The following ROBO2 variants were observed in gnomAD, a reference collection of about 807,000 sequenced individuals.
ROBO2 encodes the protein roundabout guidance receptor 2, also known as roundabout homolog 2.
A neutral mutation model predicts 160.8 loss-of-function variants in ROBO2; 53 were observed. That is an observed-to-expected ratio of 0.33 (90% CI 0.26 to 0.41). The LOEUF (loss-of-function observed/expected upper bound fraction) is 0.41. Ranked by LOEUF, ROBO2 falls within the 10% of genes least tolerant of loss-of-function variation. The pLI is 1.00. For synonymous variants in ROBO2, 664 were observed against 611.7 expected (o/e 1.09, Z -1.26); for missense variants, 1,577 against 1,722.4 (o/e 0.92, Z 1.49).
In ROBO2 at chr3:75,926,678, T is replaced by C. The variant is rs1947305986; in HGVS notation, c.-13-10803T>C. ...CATTAGGTATCAGAGTTTATGGCAT[T>C]TGATTAATCTGAATAAAGCTTGGCA... is the stretch of plus-strand genomic sequence containing the variant. On this transcript the variant is annotated intron_variant, in intron 1 of 26. Transcript: ENST00000487694. Among the ~76,000 whole-genome samples the C allele has an allele frequency of 2.0e-5, 3 of 152,218 alleles. No homozygotes were observed. In the South Asian group the frequency reaches 6.2e-4, roughly 32 times the overall value.
intron 2 of ROBO2, among the ~76,000 whole-genome samples, chr3:76,946,804 A>T (rs1264579752): frequency 6.6e-6 from 1 of 152,202 alleles, no homozygotes; most frequent in Non-Finnish European, 1.5e-5. Context: ...TCCTCAATTT[A>T]GGGAGACTGC....
At chr3:76,941,017 C>G (rs764801571) in intron 2 of ROBO2, among the ~76,000 whole-genome samples, 10 of 152,146 alleles carry the variant, frequency 6.6e-5, no homozygotes, top group Non-Finnish European at 1.2e-4. Flanking sequence ...CCACCTTTAA[C>G]CTTTAGTCTG....
rs151137827 is a variant in ROBO2 at position 76,664,275 on chromosome 3, T to G, written c.110-433739T>G. Reference sequence around the variant, plus strand: ...TGACCAGTGGAAATGGAATGGAGAGTAAAGGTGGGAGACTTGTTAAAAGAA... The same window carrying G: ...TGACCAGTGGAAATGGAATGGAGAGGAAAGGTGGGAGACTTGTTAAAAGAA... On this transcript the variant is annotated intron_variant, in intron 2 of 26. Transcript: ENST00000487694. Among the ~76,000 whole-genome samples the G allele has an allele frequency of 1.2e-3, 181 of 151,966 alleles. 1 individual carries two copies. Among genetic ancestry groups the G allele is most frequent in the African/African-American group, 4.2e-3 (176 of 41,458 alleles).
chr3:77,422,426 G>T (rs999190116), intron 2 of ROBO2, among the ~76,000 whole-genome samples: 1 of 151,946 alleles, frequency 6.6e-6, no homozygotes, highest in Admixed American at 6.6e-5. Flanking sequence ...GACGGCTCCT[G>T]GTACAAATTG....
chr3:76,737,226 T>G (rs1470606294), intron 2 of ROBO2, among the ~76,000 whole-genome samples: 1 of 152,204 alleles, frequency 6.6e-6, no homozygotes, highest in Non-Finnish European at 1.5e-5. Flanking sequence ...TTATTCATGT[T>G]TGCATTATTT....
chr3:77,289,988 C>T (rs140331367), intron 2 of ROBO2, among the ~76,000 whole-genome samples: 1,675 of 150,362 alleles, frequency 0.011, 18 homozygotes, highest in African/African-American at 0.025. Context: ...GATGGTTAAA[C>T]GGGTAAACTG....
intron 2 of ROBO2, among the ~76,000 whole-genome samples, chr3:76,841,667 G>A (rs559852937): frequency 1.8e-4 from 27 of 152,232 alleles, no homozygotes; most frequent in Admixed American, 1.5e-3. Flanking sequence ...AGAACAGAGA[G>A]GACCATTGGT....
chr3:77,006,305 T>TTGTGTGAGTGTG (rs1553725110), intron 2 of ROBO2, among the ~76,000 whole-genome samples: 1 of 143,876 alleles, frequency 7.0e-6, no homozygotes, highest in African/African-American at 2.6e-5. Context: ...ATTTTAATAT[T>TTGTGTGAGTGTG]TGTGTGTGTG....
chr3:76,995,273 A>G (rs963872406), intron 2 of ROBO2, among the ~76,000 whole-genome samples: 1 of 152,198 alleles, frequency 6.6e-6, no homozygotes, highest in African/African-American at 2.4e-5. Flanking sequence ...TACAAAGGAC[A>G]TTAACTCATC....
intron 2 of ROBO2, among the ~76,000 whole-genome samples, chr3:76,231,464 A>G (rs1483322518): frequency 6.6e-6 from 1 of 152,104 alleles, no homozygotes; most frequent in African/African-American, 2.4e-5. Context: ...TTTGTTCTAC[A>G]AAAGCCAGTT....
At chr3:76,657,646 GTATATATATTCATATATATGTGTATA>G (rs1189343621) in intron 2 of ROBO2, among the ~76,000 whole-genome samples, 1 of 135,522 alleles carries the variant, frequency 7.4e-6, no homozygotes, top group African/African-American at 3.1e-5. Flanking sequence ...ATATATATGT[GTATATATATTCATATATATGTGTATA>G]TATATACATA....
chr3:77,271,337 G>C (rs1195932231), intron 2 of ROBO2, among the ~76,000 whole-genome samples: 1 of 152,102 alleles, frequency 6.6e-6, no homozygotes, highest in African/African-American at 2.4e-5. Context: ...AGACGGAAAG[G>C]GACTAGTGAA....
intron 2 of ROBO2, among the ~76,000 whole-genome samples, chr3:76,365,602 T>C (rs1162692474): frequency 3.9e-5 from 6 of 152,044 alleles, no homozygotes; most frequent in Admixed American, 3.9e-4. Context: ...ACCCAAGAAC[T>C]TTTCAGAATT....
chr3:76,126,649 G>A (rs893763230), intron 2 of ROBO2, among the ~76,000 whole-genome samples: 4 of 151,992 alleles, frequency 2.6e-5, no homozygotes, highest in African/African-American at 9.7e-5. Context: ...CAGTTCAAAT[G>A]AGAAATATAT....
intron 2 of ROBO2, among the ~76,000 whole-genome samples, chr3:76,066,267 A>G (rs1468924837): frequency 1.3e-5 from 2 of 152,134 alleles, no homozygotes; most frequent in African/African-American, 4.8e-5. Flanking sequence ...TATTCTTTGT[A>G]AGCTTGCATC....
Position 76,334,648 on chromosome 3 carries a change from A to G in ROBO2, c.109+397046A>G, listed in dbSNP as rs550263070. The stretch of plus-strand genomic sequence containing the variant: ...TATCAATCCGTGCCCAATGGAGATC[A>G]ACACAAGAATTTTACCCAGTAAAGG... On this transcript the variant is annotated intron_variant, in intron 2 of 26. Transcript: ENST00000487694. Among the ~76,000 whole-genome samples, 40 of 149,292 alleles carry G rather than the reference A, an allele frequency of 2.7e-4. 1 individual carries two copies. The highest frequency in any genetic ancestry group is 9.9e-4 in the African/African-American group (40 of 40,492).
intron 2 of ROBO2, among the ~76,000 whole-genome samples, chr3:76,416,882 G>A (rs2075779313): frequency 6.6e-6 from 1 of 152,122 alleles, no homozygotes; most frequent in Non-Finnish European, 1.5e-5. Flanking sequence ...AGTTTTATGA[G>A]CTATAGTATT....
chr3:76,337,096 T>A (rs1352077013), intron 2 of ROBO2, among the ~76,000 whole-genome samples: 1 of 152,098 alleles, frequency 6.6e-6, no homozygotes, highest in East Asian at 1.9e-4. Flanking sequence ...AGAGACACAT[T>A]TTTCCTTCTA....
intron 1 of ROBO2, among the ~76,000 whole-genome samples, chr3:77,055,445 T>G (rs12714456): frequency 0.84 from 126,987 of 152,070 alleles, 54,037 homozygotes; most frequent in Middle Eastern, 0.95. Context: ...ACAAAATCTC[T>G]TGAGGAGTTT....
Sources: allele counts gnomAD v4.1 joint callset (sites outside exome capture counted in the v4.1 genomes callset), GRCh38; gene constraint gnomAD v4.1.1; transcripts MANE v1.5; gene names NCBI Gene and HGNC (gene_info 2026-07-23, HGNC 2026-07-21).